EEPD1: variants seen among roughly 807,000 people sequenced by gnomAD.
The protein encoded by EEPD1 is endonuclease/exonuclease/phosphatase family domain containing 1.
Under a neutral mutation model 46.3 loss-of-function variants are expected in EEPD1, and 17 were observed. The observed-to-expected ratio is 0.37, with a 90% CI of 0.25 to 0.55. The LOEUF (loss-of-function observed/expected upper bound fraction) is 0.55. EEPD1 is among the 20% of genes least tolerant of loss of function. The pLI is 0.83. For synonymous variants in EEPD1, 313 were observed against 315.6 expected (o/e 0.99, Z 0.09); for missense variants, 673 against 745.6 (o/e 0.90, Z 1.13).
At chr7:36,213,372 G>A (rs1288730378) in intron 2 of EEPD1, among the ~76,000 whole-genome samples, 2 of 152,060 alleles carry the variant, frequency 1.3e-5, no homozygotes, top group Non-Finnish European at 2.9e-5. Flanking sequence ...AAGGGATGTG[G>A]TGCAATTTGC....
intron 2 of EEPD1, among the ~76,000 whole-genome samples, chr7:36,234,556 G>A (rs973469168): frequency 6.6e-6 from 1 of 151,672 alleles, no homozygotes; most frequent in Admixed American, 6.6e-5. Flanking sequence ...CCTGCAGTCC[G>A]AGCTGCTTGG....
intron 2 of EEPD1, among the ~76,000 whole-genome samples, chr7:36,156,503 G>C (rs1000564421): frequency 1.3e-5 from 2 of 152,166 alleles, no homozygotes; most frequent in Admixed American, 6.5e-5. Context: ...CTTGATAATT[G>C]TTCTCTTTAT....
intron 2 of EEPD1, among the ~76,000 whole-genome samples, chr7:36,189,271 C>T (rs1562679330): frequency 6.6e-6 from 1 of 152,128 alleles, no homozygotes; most frequent in African/African-American, 2.4e-5. Context: ...GCAGAAGTTT[C>T]GAGAGGAGTG....
At chr7:36,194,571 C>T (rs938831297) in intron 2 of EEPD1, among the ~76,000 whole-genome samples, 2 of 152,150 alleles carry the variant, frequency 1.3e-5, no homozygotes, top group African/African-American at 4.8e-5. Flanking sequence ...ATCAAATCCC[C>T]CTAGAACTTG....
intron 7 of EEPD1, 26 bp from the exon 8 acceptor site, chr7:36,298,981 G>T (rs368514717): frequency 6.2e-7 from 1 of 1,610,774 alleles, no homozygotes; most frequent in Admixed American, 1.7e-5. Context: ...CCTGATTCCC[G>T]GTCTCTTTCC....
rs187676421 is a variant in EEPD1, at chr7:36,266,783, A to G, written c.931-14332A>G. Among the ~76,000 whole-genome samples, 96 of 152,272 alleles carry G rather than the reference A, an allele frequency of 6.3e-4. 1 individual carries two copies. The highest frequency in any genetic ancestry group is 2.6e-4 in the Non-Finnish European group (18 of 68,014). On this transcript the variant is annotated intron_variant, in intron 3 of 7. Coordinates refer to ENST00000242108, the MANE Select transcript of EEPD1 (RefSeq NM_030636.3). ...CACCTACCAATCTGGATTCTGTCCAAAGTAATATTTACCTACTCTGGATGT... is the reference window on the plus strand; with the variant it reads ...CACCTACCAATCTGGATTCTGTCCAGAGTAATATTTACCTACTCTGGATGT...
At position 36,269,403 on chromosome 7, in the gene EEPD1, C is replaced by T. The variant is rs114825609; in HGVS notation, c.931-11712C>T. On this transcript the variant is annotated intron_variant, in intron 3 of 7. Transcript: ENST00000242108. ...AGGTGTGGTGGTTCACAACTGGTCC[C>T]AGCTACTTAGGAGGCTGAGGCGGGA... 4.9e-3 allele frequency among the ~76,000 whole-genome samples: 744 copies of T among 152,266 alleles called. 4 individuals are homozygous for T. Among genetic ancestry groups the T allele is most frequent in the African/African-American group, 0.017 (707 of 41,544 alleles).
At chr7:36,198,394 G>T (rs1407444603) in intron 2 of EEPD1, among the ~76,000 whole-genome samples, 1 of 94,244 alleles carries the variant, frequency 1.1e-5, no homozygotes, top group Non-Finnish European at 2.3e-5. Context: ...ATCAAAACTG[G>T]TTAATAAAAC....
At chr7:36,238,531 T>A (rs943753353) in intron 2 of EEPD1, among the ~76,000 whole-genome samples, 2 of 152,242 alleles carry the variant, frequency 1.3e-5, no homozygotes, top group African/African-American at 2.4e-5. Context: ...TCATTTAGTG[T>A]GTCTCCAAGG....
chr7:36,228,027 T>C (rs543442482), intron 2 of EEPD1, among the ~76,000 whole-genome samples: 49 of 152,094 alleles, frequency 3.2e-4, no homozygotes, highest in Non-Finnish European at 6.2e-4. Flanking sequence ...GGAGGATCGC[T>C]TGAGCCCAGG....
intron 2 of EEPD1, among the ~76,000 whole-genome samples, chr7:36,214,555 C>T (rs1785994732): frequency 6.6e-6 from 1 of 152,138 alleles, no homozygotes; most frequent in South Asian, 2.1e-4. Flanking sequence ...TCAGTCTGGT[C>T]GCATCTGCCT....
Position 36,154,048 on chromosome 7 carries a change from G to C in EEPD1, c.-192-85G>C. 1 of 478,610 alleles carries C rather than the reference G, an allele frequency of 2.1e-6. No homozygotes were observed. Among genetic ancestry groups the C allele is most frequent in the African/African-American group, 1.9e-5 (1 of 51,590 alleles). The allele number at this position is 478,610 out of a possible 1,614,324, so 29.6% of individuals were successfully genotyped here. A position where few individuals can be genotyped will look rare whatever the true frequency, so the allele number is the denominator to read the frequency against. On this transcript the variant is annotated intron_variant, in intron 1 of 7. Transcript: ENST00000242108. The surrounding 1 kb of genome is among the most constrained non-coding windows in gnomAD (Gnocchi z 4.2). Reference sequence around the variant, plus strand: ...GGCAGCCACCAGTCCCCGACTCCTGGTTACTAACTCTAGCACTAGGTAGGG... The same window carrying C: ...GGCAGCCACCAGTCCCCGACTCCTGCTTACTAACTCTAGCACTAGGTAGGG...
intron 3 of EEPD1, among the ~76,000 whole-genome samples, chr7:36,239,757 G>A (rs1471249586): frequency 3.3e-5 from 5 of 152,018 alleles, no homozygotes; most frequent in African/African-American, 9.7e-5. Context: ...CAGGCTGGGT[G>A]GGCACCAAGG....
intron 6 of EEPD1, among the ~76,000 whole-genome samples, chr7:36,295,901 G>A (rs1398681814): frequency 6.6e-6 from 1 of 151,774 alleles, no homozygotes; most frequent in Non-Finnish European, 1.5e-5. Flanking sequence ...CGTGGTGGTG[G>A]GTGCCTGTAG....
At chr7:36,167,390 G>C (rs987757941) in intron 2 of EEPD1, among the ~76,000 whole-genome samples, 11 of 152,178 alleles carry the variant, frequency 7.2e-5, no homozygotes, top group Non-Finnish European at 1.5e-4. Flanking sequence ...GCTAGAGAAA[G>C]CTGCATTTGA....
At chr7:36,163,729 T>C (rs147528501) in intron 2 of EEPD1, among the ~76,000 whole-genome samples, 1,942 of 151,992 alleles carry the variant, frequency 0.013, 26 homozygotes, top group Non-Finnish European at 0.018. Context: ...AATAAAAAAA[T>C]TAGCCAGGCG....
At position 36,296,919 on chromosome 7, in the gene EEPD1, T is replaced by C. The variant is rs1409685935; in HGVS notation, c.1316-74T>C. On this transcript the variant is annotated intron_variant, in intron 6 of 7. Coordinates refer to ENST00000242108, the MANE Select transcript of EEPD1 (RefSeq NM_030636.3). ...CAAGTCAGAGAATCTCAATCCCGTT[T>C]CAAAGGGCCACGGTCAGTGTTGGGT... The C allele has an allele frequency of 2.0e-6, 3 of 1,506,930 alleles. No homozygotes were observed. In the East Asian group the frequency reaches 6.8e-5, roughly 34 times the overall value. The allele number at this position is 1,506,930 out of a possible 1,614,324, so 93.3% of individuals were successfully genotyped here.
intron 2 of EEPD1, among the ~76,000 whole-genome samples, chr7:36,170,685 T>A (rs2726106): frequency 0.76 from 114,870 of 151,688 alleles, 43,949 homozygotes; most frequent in Middle Eastern, 0.81. Context: ...ACATCGCCTT[T>A]AAAAATATGT....
chr7:36,203,541 T>G (rs1291135121), intron 2 of EEPD1, among the ~76,000 whole-genome samples: 3 of 152,182 alleles, frequency 2.0e-5, no homozygotes, highest in Non-Finnish European at 2.9e-5. Flanking sequence ...TCAAAGGTAA[T>G]TAGCTGTTAT....
Sources: allele counts gnomAD v4.1 joint callset (sites outside exome capture counted in the v4.1 genomes callset), GRCh38; gene constraint gnomAD v4.1.1; non-coding constraint Gnocchi (gnomAD v3.1); transcripts MANE v1.5; gene names NCBI Gene and HGNC (gene_info 2026-07-23, HGNC 2026-07-21).